The following CDH22 variants were observed in gnomAD, a reference collection of about 807,000 sequenced individuals.
CDH22 encodes the protein cadherin 22.
CDH22 carries 30 observed loss-of-function variants against 58.4 expected under a neutral mutation model. That is an observed-to-expected ratio of 0.51 (90% CI 0.38 to 0.70). The LOEUF (loss-of-function observed/expected upper bound fraction) is 0.70, where lower values mean the gene tolerates loss of function less well. Ranked by LOEUF, CDH22 falls within the 30% of genes least tolerant of loss-of-function variation. The probability of loss-of-function intolerance (pLI) is 0.00; values close to 1 mark genes in which losing one functional copy is unlikely to be tolerated. For synonymous variants in CDH22, 513 were observed against 558.2 expected, an observed-to-expected ratio of 0.92 and a Z score of 1.14; for missense variants, 1,014 against 1,233.9, an observed-to-expected ratio of 0.82 and a Z score of 2.67.
chr20:46,256,310 G>A (rs1043687535), intron 1 of CDH22, among the ~76,000 whole-genome samples: 2 of 152,120 alleles, frequency 1.3e-5, no homozygotes, highest in African/African-American at 2.4e-5. Context: ...TGGGGATGGC[G>A]GGATTTGCTG....
At position 46,241,107 on chromosome 20, in the gene CDH22, G is replaced by T. The variant is rs758941722; in HGVS notation, c.406C>A (p.Arg136=). The change falls in exon 3 of 12, where the codon CGG becomes AGG. Residue 136 remains arginine (R), a synonymous_variant. Coordinates refer to ENST00000537909, the MANE Select transcript of CDH22 (RefSeq NM_021248.3). The surrounding 1 kb of genome is among the most constrained non-coding windows in gnomAD (Gnocchi z 5.2). ...DREQKTFYTL[R]AQARDRATNR... ...GTGGCGCGATCCCGAGCCTGGGCCC[G>T]CAGCGTGTAGAAGGTTTTCTGCTCG... The T allele has an allele frequency of 2.5e-6, 4 of 1,614,204 alleles. No homozygotes were observed. Among genetic ancestry groups the T allele is most frequent in the African/African-American group, 2.7e-5 (2 of 75,064 alleles).
intron 8 of CDH22, among the ~76,000 whole-genome samples, chr20:46,197,976 G>A (rs2085919916): frequency 6.6e-6 from 1 of 152,102 alleles, no homozygotes; most frequent in African/African-American, 2.4e-5. Context: ...GCAGAGGCGA[G>A]TTTGAATGTT....
chr20:46,250,751 G>A (rs1400058689), intron 2 of CDH22, among the ~76,000 whole-genome samples: 1 of 152,178 alleles, frequency 6.6e-6, no homozygotes, highest in Non-Finnish European at 1.5e-5. Flanking sequence ...TGAGATGATC[G>A]GATTTGCAAA....
At chr20:46,283,281 G>T (rs534182714) in intron 1 of CDH22, among the ~76,000 whole-genome samples, 1 of 152,352 alleles carries the variant, frequency 6.6e-6, no homozygotes, top group Non-Finnish European at 1.5e-5. Flanking sequence ...GAGGTCTGGA[G>T]TCTGAGTAGA....
rs58367300 is a variant in CDH22 at position 46,174,648 on chromosome 20, G to A, written c.2345C>T (p.Ala782Val). The change falls in exon 12 of 12, where the codon GCC becomes GTC. Residue 782 changes from alanine (A) to valine (V), a missense_variant. Around this residue, in one of 2 missense-constraint regions of CDH22, gnomAD observed 208 missense variants for 195.2 expected, o/e 1.07. Transcript: ENST00000537909. The surrounding 1 kb of genome is among the most constrained non-coding windows in gnomAD (Gnocchi z 4.4). ...GCTGTGCAGGGAGCTGAGCGAGGCG[G>A]CCGGCGAGTCCGCGCCCTCGAAGGC... Reference protein sequence around the residue: ...TYAFEGADSPAASLSSLHSGS... With the variant: ...TYAFEGADSPVASLSSLHSGS... The A allele has an allele frequency of 5.4e-3, 8,364 of 1,554,918 alleles. 355 individuals are homozygous for A. In the African/African-American group the frequency reaches 0.097, roughly 18 times the overall value.
At chr20:46,290,652 C>A (rs1216934639) in intron 1 of CDH22, among the ~76,000 whole-genome samples, 1 of 152,090 alleles carries the variant, frequency 6.6e-6, no homozygotes, top group Non-Finnish European at 1.5e-5. Flanking sequence ...CTGCTGACAG[C>A]TAACTCTGGC....
rs6032751 is a variant in CDH22 at position 46,286,757 on chromosome 20, G to A, written c.-400+21498C>T. Among the ~76,000 whole-genome samples the A allele has an allele frequency of 1.7e-3, 258 of 152,246 alleles. 3 individuals carry two copies. The highest frequency in any genetic ancestry group is 5.9e-3 in the African/African-American group (246 of 41,548). On this transcript the variant is annotated intron_variant, in intron 1 of 11. Coordinates refer to ENST00000537909, the MANE Select transcript of CDH22 (RefSeq NM_021248.3). Reference sequence around the variant, plus strand: ...AGGACCCCACCTCTGGTCTTCCTCCGTGGCAGCCAGCTGCTATATCTGTCT... The same window carrying A: ...AGGACCCCACCTCTGGTCTTCCTCCATGGCAGCCAGCTGCTATATCTGTCT...
chr20:46,263,146 A>C (rs2086441802), intron 1 of CDH22, among the ~76,000 whole-genome samples: 1 of 152,126 alleles, frequency 6.6e-6, no homozygotes, highest in Non-Finnish European at 1.5e-5. Flanking sequence ...CTCACACTTC[A>C]GTGCTGTGAT....
chr20:46,187,035 G>A (rs1257255204), intron 8 of CDH22, 88 bp from the exon 9 acceptor site: 2 of 1,372,984 alleles, frequency 1.5e-6, no homozygotes, highest in Non-Finnish European at 2.0e-6. Flanking sequence ...ATAGTAGGCA[G>A]TGGGGTCATG....
At chr20:46,289,722 G>T (rs532598352) in intron 1 of CDH22, among the ~76,000 whole-genome samples, 1 of 152,222 alleles carries the variant, frequency 6.6e-6, no homozygotes, top group East Asian at 1.9e-4. Context: ...GCTAGACAGA[G>T]CTGCCTACTG....
intron 7 of CDH22, among the ~76,000 whole-genome samples, chr20:46,207,445 C>G (rs998745211): frequency 3.3e-5 from 5 of 152,210 alleles, no homozygotes; most frequent in Admixed American, 1.3e-4. Context: ...TGGGCCTCAA[C>G]TCCCAGACAA....
At chr20:46,223,038 C>T (rs2086138173) in intron 4 of CDH22, among the ~76,000 whole-genome samples, 1 of 152,230 alleles carries the variant, frequency 6.6e-6, no homozygotes, top group South Asian at 2.1e-4. Flanking sequence ...CAAGGGGAGG[C>T]AAAACCTGGT....
At chr20:46,231,790 A>G (rs902244740) in intron 3 of CDH22, among the ~76,000 whole-genome samples, 3 of 152,212 alleles carry the variant, frequency 2.0e-5, no homozygotes, top group Non-Finnish European at 1.5e-5. Context: ...TTGGCATCAC[A>G]GAGTCCTGTG....
At chr20:46,293,197 C>T (rs2086612465) in intron 1 of CDH22, among the ~76,000 whole-genome samples, 1 of 152,278 alleles carries the variant, frequency 6.6e-6, no homozygotes, top group African/African-American at 2.4e-5. Flanking sequence ...GCCCCCATCC[C>T]CAGTCCTAGC....
At chr20:46,214,135 G>A (rs2086064893) in intron 5 of CDH22, among the ~76,000 whole-genome samples, 1 of 152,142 alleles carries the variant, frequency 6.6e-6, no homozygotes, top group Non-Finnish European at 1.5e-5. Flanking sequence ...AGGTGCAAAG[G>A]CCCTGAGGTG....
intron 10 of CDH22, among the ~76,000 whole-genome samples, chr20:46,181,716 T>TCCTTCCTTCC (rs2085786394): frequency 4.3e-4 from 19 of 44,326 alleles, no homozygotes; most frequent in Non-Finnish European, 8.3e-4. Flanking sequence ...TCTTTCTTTT[T>TCCTTCCTTCC]TTCCTTCCTT....
Position 46,174,636 on chromosome 20 carries a change from C to T in CDH22, c.2357G>A (p.Ser786Asn). ...GCCCGACGAGCCGCTGTGCAGGGAG[C>T]TGAGCGAGGCGGCCGGCGAGTCCGC... is the stretch of plus-strand genomic sequence containing the variant. ...EGADSPAASL[S>N]SLHSGSSGSE... The change falls in exon 12 of 12, where the codon AGC (serine) becomes AAC (asparagine). Residue 786 changes from serine (S) to asparagine (N), a missense_variant. Physicochemically the swap from Ser to Asn is conservative, Grantham distance 46. Transcript: ENST00000537909. This position sits in a 1 kb window ranked among gnomAD's most constrained non-coding sequence, Gnocchi z 4.4. The T allele has an allele frequency of 6.4e-7, 1 of 1,551,544 alleles. No homozygotes were observed. Among genetic ancestry groups the T allele is most frequent in the Middle Eastern group, 1.7e-4 (1 of 5,986 alleles).
intron 8 of CDH22, among the ~76,000 whole-genome samples, chr20:46,190,002 A>T (rs2085852350): frequency 6.6e-6 from 1 of 152,110 alleles, no homozygotes. Flanking sequence ...AAGGTTTGCA[A>T]ACCACTATGC....
At chr20:46,262,384 T>C (rs1364678040) in intron 1 of CDH22, among the ~76,000 whole-genome samples, 1 of 152,088 alleles carries the variant, frequency 6.6e-6, no homozygotes. Context: ...CTGCAAAGGC[T>C]GACCTGGGGC....
Sources: gnomAD v4.1 joint callset for allele counts (sites outside exome capture counted in the v4.1 genomes callset) on GRCh38, gnomAD v4.1.1 for gene constraint, gnomAD v4.1.1 regional missense constraint, Gnocchi (gnomAD v3.1) non-coding constraint, MANE v1.5 for transcripts, NCBI Gene and HGNC (gene_info 2026-07-23, HGNC 2026-07-21) for gene names.